RAB32: variants seen among roughly 807,000 people sequenced by gnomAD.
RAB32 encodes ras-related protein Rab-32.
Under a neutral mutation model 17.5 loss-of-function variants are expected in RAB32, and 17 were observed. The observed-to-expected ratio is 0.97, with a 90% CI of 0.67 to 1.46. The LOEUF (loss-of-function observed/expected upper bound fraction) is 1.46, where lower values mean the gene tolerates loss of function less well. Ranked by LOEUF, RAB32 falls within the 40% of genes most tolerant of loss-of-function variation. The pLI is 0.00. For missense variants in RAB32, 288 were observed against 284.3 expected (o/e 1.01, Z -0.09); for synonymous variants, 115 against 111.1 (o/e 1.04, Z -0.22).
chr6:146,552,805 G>A (rs1004209742), intron 2 of RAB32, among the ~76,000 whole-genome samples: 3 of 152,264 alleles, frequency 2.0e-5, no homozygotes, highest in Middle Eastern at 3.4e-3. Context: ...CTGATTTTAG[G>A]ACGGGTGGAA....
chr6:146,550,754 C>T (rs1260550068), intron 2 of RAB32, among the ~76,000 whole-genome samples: 2 of 148,258 alleles, frequency 1.3e-5, no homozygotes, highest in Admixed American at 6.7e-5. Flanking sequence ...TTGGAACTTT[C>T]ACATAAGGGG....
At chr6:146,550,092 T>C (rs950016086) in intron 2 of RAB32, among the ~76,000 whole-genome samples, 9 of 152,168 alleles carry the variant, frequency 5.9e-5, no homozygotes, top group Non-Finnish European at 1.0e-4. Flanking sequence ...AAAGGCTAAG[T>C]GAATAGGAAG....
At chr6:146,545,670 T>C (rs1779810865) in intron 1 of RAB32, among the ~76,000 whole-genome samples, 1 of 152,210 alleles carries the variant, frequency 6.6e-6, no homozygotes, top group Non-Finnish European at 1.5e-5. Context: ...TTTGTTGTTG[T>C]TTTTTGTTAC....
chr6:146,544,182 C>A, intron 1 of RAB32, 61 bp downstream of exon 1: 1 of 1,509,316 alleles, frequency 6.6e-7, no homozygotes, highest in Non-Finnish European at 8.9e-7. Context: ...CTCCTCTCTG[C>A]TTCTTTTCTT....
At chr6:146,546,036 A>G (rs1779814866) in intron 1 of RAB32, among the ~76,000 whole-genome samples, 1 of 152,240 alleles carries the variant, frequency 6.6e-6, no homozygotes, top group Non-Finnish European at 1.5e-5. Flanking sequence ...AAGTAAAAGC[A>G]GGAGTAAGAT....
chr6:146,550,724 TGG>T (rs139243497), intron 2 of RAB32, among the ~76,000 whole-genome samples: 23 of 125,114 alleles, frequency 1.8e-4, no homozygotes, highest in African/African-American at 6.6e-4. Context: ...ATAAAATGTT[TGG>T]GGGGGGGGTT....
chr6:146,545,633 A>C (rs1324335354), intron 1 of RAB32, among the ~76,000 whole-genome samples: 6 of 152,232 alleles, frequency 3.9e-5, no homozygotes, highest in Non-Finnish European at 8.8e-5. Context: ...CTCAGAAAAA[A>C]GGAGTAATCA....
intron 1 of RAB32, among the ~76,000 whole-genome samples, chr6:146,545,430 G>T (rs2114781318): frequency 6.6e-6 from 1 of 152,310 alleles, no homozygotes; most frequent in Middle Eastern, 3.4e-3. Flanking sequence ...GCCCATGGAG[G>T]GTATAGCTAC....
rs114158109 is a variant in RAB32 at position 146,546,060 on chromosome 6, C to T, written c.250+1939C>T. ...CAGGAGTAAGATACAAATTTTCTTTCTGGTATCACCTCTTCTTTTTTTATT... is the reference window on the plus strand; with the variant it reads ...CAGGAGTAAGATACAAATTTTCTTTTTGGTATCACCTCTTCTTTTTTTATT... On this transcript the variant is annotated intron_variant, in intron 1 of 2. Transcript: ENST00000367495. 3.8e-3 allele frequency among the ~76,000 whole-genome samples: 581 copies of T among 152,246 alleles called. 4 individuals are homozygous for T. Among genetic ancestry groups the T allele is most frequent in the African/African-American group, 0.013 (558 of 41,544 alleles).
chr6:146,546,051 A>ATTTTC (rs1221235805), intron 1 of RAB32, among the ~76,000 whole-genome samples: 1 of 152,106 alleles, frequency 6.6e-6, no homozygotes, highest in Non-Finnish European at 1.5e-5. Flanking sequence ...TAAGATACAA[A>ATTTTC]TTTTCTTTCT....
chr6:146,550,727 G>GT (rs959148006), intron 2 of RAB32, among the ~76,000 whole-genome samples: 1 of 148,904 alleles, frequency 6.7e-6, no homozygotes, highest in African/African-American at 2.5e-5. Flanking sequence ...AAATGTTTGG[G>GT]GGGGGGGTTA....
At position 146,544,076 on chromosome 6, in the gene RAB32, T is replaced by G. The variant is rs757478892; in HGVS notation, c.205T>G (p.Trp69Gly). ...GVDFALKVLNWDSRTLVRLQL... is the reference protein window; with the variant it reads ...GVDFALKVLNGDSRTLVRLQL... ...GGACTTCGCCCTCAAGGTCCTCAAC[T>G]GGGACAGCAGGACTCTGGTGCGCCT... Residue 69 changes from tryptophan (W) to glycine (G), a missense_variant, in exon 1 of 3, where the codon TGG becomes GGG. Coordinates refer to ENST00000367495, the MANE Select transcript of RAB32 (RefSeq NM_006834.5). The G allele has an allele frequency of 2.5e-6, 4 of 1,613,506 alleles. No individual in the cohort carries two copies. The Admixed American group carries it at 5.0e-5, about 20-fold the overall frequency.
At chr6:146,551,000 T>C (rs1036699030) in intron 2 of RAB32, among the ~76,000 whole-genome samples, 3 of 152,132 alleles carry the variant, frequency 2.0e-5, no homozygotes, top group African/African-American at 7.2e-5. Context: ...TAGGTTTAGC[T>C]CTACTAGAAA....
At chr6:146,549,412 T>A in intron 1 of RAB32, 52 bp from the exon 2 acceptor site, 1 of 1,500,808 alleles carries the variant, frequency 6.7e-7, no homozygotes, top group Non-Finnish European at 9.1e-7. Flanking sequence ...TACCTAAATG[T>A]AGACTCTGTC....
chr6:146,553,121 G>A (rs1435987640), intron 2 of RAB32, among the ~76,000 whole-genome samples: 2 of 152,094 alleles, frequency 1.3e-5, no homozygotes, highest in African/African-American at 4.8e-5. Flanking sequence ...CAACGTGCAG[G>A]TTAGTCACGT....
In RAB32 at chr6:146,543,838, C is replaced by T. The variant is rs1250013560; in HGVS notation, c.-34C>T. The stretch of plus-strand genomic sequence containing the variant: ...GCGAGGCCGGGCAGGGGGCCAGACT[C>T]GGAGTCGAGGCGCGCCCGACAGCCG... On this transcript the variant is annotated 5_prime_UTR_variant, in exon 1 of 3. Transcript: ENST00000367495. 1.5e-5 allele frequency: 20 copies of T among 1,316,252 alleles called. No homozygotes were observed. Among genetic ancestry groups the T allele is most frequent in the Non-Finnish European group, 1.8e-5 (19 of 1,029,320 alleles). The allele number at this position is 1,316,252 out of a possible 1,614,324, so 81.5% of individuals were successfully genotyped here. A position where few individuals can be genotyped will look rare whatever the true frequency, so the allele number is the denominator to read the frequency against.
At chr6:146,550,428 C>T (rs914773779) in intron 2 of RAB32, among the ~76,000 whole-genome samples, 2 of 151,938 alleles carry the variant, frequency 1.3e-5, no homozygotes, top group African/African-American at 4.8e-5. Flanking sequence ...GCAGATGGAT[C>T]GGGCAGATCG....
chr6:146,549,460 C>T lies in RAB32; in HGVS notation c.251-4C>T. ...TTTTAATTTTTTCTTATATTTATGT[C>T]TAGGGCAGGAGCGATTTGGCAACAT... On this transcript the variant is annotated splice_region_variant and splice_polypyrimidine_tract_variant and intron_variant, in intron 1 of 2. Coordinates refer to ENST00000367495, the MANE Select transcript of RAB32 (RefSeq NM_006834.5). The T allele has an allele frequency of 1.2e-6, 2 of 1,611,300 alleles. No individual in the cohort carries two copies. The highest frequency in any genetic ancestry group is 1.1e-5 in the South Asian group (1 of 90,708).
rs752784440 is a variant in RAB32 at position 146,543,999 on chromosome 6, A to T, written c.128A>T (p.Lys43Met). 1.2e-5 allele frequency: 19 copies of T among 1,613,708 alleles called. No individual in the cohort carries two copies. In the South Asian group the frequency reaches 1.9e-4, roughly 16 times the overall value. The change falls in exon 1 of 3, where the codon AAG becomes ATG. Residue 43 changes from lysine (K) to methionine (M), a missense_variant. Transcript: ENST00000367495. The part of the protein sequence containing the change: ...ELGVGKTSII[K>M]RYVHQLFSQH... ...GGCGTGGGCAAGACCAGCATCATCA[A>T]GCGCTACGTCCACCAGCTCTTCTCC... is the stretch of plus-strand genomic sequence containing the variant.
Sources: allele counts gnomAD v4.1 joint callset (sites outside exome capture counted in the v4.1 genomes callset), GRCh38; gene constraint gnomAD v4.1.1; transcripts MANE v1.5; gene names NCBI Gene and HGNC (gene_info 2026-07-23, HGNC 2026-07-21).